The following ZC3H12B variants were observed in gnomAD, a reference collection of about 807,000 sequenced individuals.
ZC3H12B encodes probable ribonuclease ZC3H12B.
ZC3H12B carries 7 observed loss-of-function variants against 43.9 expected under a neutral mutation model. That is an observed-to-expected ratio of 0.16 (90% CI 0.09 to 0.30). The LOEUF (loss-of-function observed/expected upper bound fraction) is 0.30, where lower values mean the gene tolerates loss of function less well. Among genes scored for constraint, ZC3H12B ranks in the 10% least tolerant of loss-of-function variants. The pLI is 1.00. For missense variants in ZC3H12B, 475 were observed against 670.2 expected, an observed-to-expected ratio of 0.71 and a Z score of 3.22; for synonymous variants, 222 against 241.7, an observed-to-expected ratio of 0.92 and a Z score of 0.76.
the ZC3H12B span, among the ~76,000 whole-genome samples, chrX:65,115,878 C>T: frequency 2.7e-5 from 3 of 111,349 alleles, no homozygotes; most frequent in Admixed American, 2.9e-4. Context: ...TCTTCATGTC[C>T]TTTCCTTACT....
chrX:65,204,710 C>T, the ZC3H12B span, among the ~76,000 whole-genome samples: 1 of 111,829 alleles, frequency 8.9e-6, no homozygotes, highest in African/African-American at 3.2e-5. Context: ...ATAAAGGTAG[C>T]TCGATTTCTA....
At chrX:65,094,275 T>A in the ZC3H12B span, among the ~76,000 whole-genome samples, 2 of 106,910 alleles carry the variant, frequency 1.9e-5, no homozygotes, top group Non-Finnish European at 3.8e-5. Flanking sequence ...TTTTTTTTTT[T>A]AATAAATTAC....
At chrX:65,407,995 G>A (rs761182174) in intron 3 of ZC3H12B, 1 of 1,046,635 alleles carries the variant, frequency 9.6e-7, no homozygotes, top group African/African-American at 1.9e-5. Context: ...CTGGCTTTCC[G>A]GCTTAATTTT....
the ZC3H12B span, among the ~76,000 whole-genome samples, chrX:65,069,063 C>A: frequency 3.7e-5 from 4 of 109,507 alleles, no homozygotes; most frequent in Admixed American, 4.0e-4. Context: ...TTTTCTTTAT[C>A]TTTGATCTTT....
At chrX:65,473,095 C>A (rs1361091923) in intron 3 of ZC3H12B, among the ~76,000 whole-genome samples, 1 of 102,970 alleles carries the variant, frequency 9.7e-6, no homozygotes, top group Non-Finnish European at 2.0e-5. Context: ...CTCACTGCAA[C>A]CTCTGCCTCC....
intron 3 of ZC3H12B, chrX:65,469,251 C>T (rs2067872140): frequency 4.1e-6 from 1 of 240,975 alleles, no homozygotes; most frequent in Non-Finnish European, 8.1e-6. Context: ...GTCAAAGGTG[C>T]CACTCACCAT....
the ZC3H12B span, among the ~76,000 whole-genome samples, chrX:65,227,618 A>C: frequency 1.8e-5 from 2 of 111,666 alleles, no homozygotes; most frequent in African/African-American, 3.3e-5. Context: ...AGGATCAACA[A>C]AATTGATACA....
intron 3 of ZC3H12B, among the ~76,000 whole-genome samples, chrX:65,426,565 G>C (rs2067086510): frequency 9.1e-6 from 1 of 110,285 alleles, no homozygotes; most frequent in African/African-American, 3.3e-5. Context: ...GAGATGTTAG[G>C]TTGTTAACGA....
the ZC3H12B span, among the ~76,000 whole-genome samples, chrX:65,072,662 C>A: frequency 8.9e-6 from 1 of 111,938 alleles, no homozygotes; most frequent in African/African-American, 3.3e-5. Flanking sequence ...AGGGCTCACT[C>A]TGATGGGTGG....
chrX:65,124,682 A>G, the ZC3H12B span, among the ~76,000 whole-genome samples: 3 of 110,388 alleles, frequency 2.7e-5, no homozygotes, highest in Non-Finnish European at 3.8e-5. Flanking sequence ...TGGCTTGTTT[A>G]GAGATTCTAT....
At chrX:65,172,102 G>A in the ZC3H12B span, among the ~76,000 whole-genome samples, 4 of 112,431 alleles carry the variant, frequency 3.6e-5, no homozygotes, top group Admixed American at 1.9e-4. Flanking sequence ...CGTCTTCTGT[G>A]TCACTGACAC....
chrX:65,330,413 T>C, the ZC3H12B span, among the ~76,000 whole-genome samples: 5 of 111,358 alleles, frequency 4.5e-5, no homozygotes, highest in African/African-American at 9.8e-5. Flanking sequence ...TCCTGCCTGA[T>C]TGCCCTGGCC....
the ZC3H12B span, among the ~76,000 whole-genome samples, chrX:65,266,938 G>T: frequency 9.0e-6 from 1 of 110,708 alleles, no homozygotes; most frequent in African/African-American, 3.3e-5. Context: ...GGAAGAGTCT[G>T]TGAGAGGCAA....
the ZC3H12B span, among the ~76,000 whole-genome samples, chrX:65,108,237 TAATA>T: frequency 1.1e-3 from 120 of 111,421 alleles, 1 homozygote; most frequent in East Asian, 0.016. Flanking sequence ...AAATTTTTAA[TAATA>T]AATTAACCTT....
chrX:65,356,259 A>G, the ZC3H12B span, among the ~76,000 whole-genome samples: 2 of 111,797 alleles, frequency 1.8e-5, no homozygotes, highest in Non-Finnish European at 3.8e-5. Context: ...AAATTGTCAG[A>G]TAATGTTTAA....
intron 2 of ZC3H12B, among the ~76,000 whole-genome samples, chrX:65,381,451 G>A (rs1273636380): frequency 1.8e-5 from 2 of 110,701 alleles, no homozygotes; most frequent in Non-Finnish European, 3.8e-5. Context: ...CACATTCAAA[G>A]CAGTGTGTAG....
At chrX:65,110,717 C>T in the ZC3H12B span, among the ~76,000 whole-genome samples, 1 of 111,408 alleles carries the variant, frequency 9.0e-6, no homozygotes, top group Admixed American at 9.6e-5. Context: ...GTTTTAGTTT[C>T]TTTATCTTTC....
At chrX:65,303,747 A>G in the ZC3H12B span, among the ~76,000 whole-genome samples, 4 of 112,658 alleles carry the variant, frequency 3.6e-5, no homozygotes, top group Non-Finnish European at 7.5e-5. Flanking sequence ...ATTTCTATAT[A>G]CCAGCAATAA....
chrX:65,293,154 G>T, the ZC3H12B span, among the ~76,000 whole-genome samples: 1 of 111,394 alleles, frequency 9.0e-6, no homozygotes, highest in Non-Finnish European at 1.9e-5. Context: ...TGAGAAACTG[G>T]AAGATGGATC....
Sources: gnomAD v4.1 joint callset for allele counts (sites outside exome capture counted in the v4.1 genomes callset) on GRCh38, gnomAD v4.1.1 for gene constraint, MANE v1.5 for transcripts, NCBI Gene and HGNC (gene_info 2026-07-23, HGNC 2026-07-21) for gene names.